Variants in CDK2 observed in about 807,000 individuals in gnomAD.
The protein encoded by CDK2 is cyclin dependent kinase 2.
CDK2 carries 8 observed loss-of-function variants against 35.0 expected under a neutral mutation model. The observed-to-expected ratio is 0.23, with a 90% CI of 0.13 to 0.41. The LOEUF (loss-of-function observed/expected upper bound fraction) is 0.41. Ranked by LOEUF, CDK2 falls within the 10% of genes least tolerant of loss-of-function variation. The pLI, the probability that CDK2 is intolerant of heterozygous loss-of-function variation, is 1.00. For synonymous variants in CDK2, 134 were observed against 137.7 expected, an observed-to-expected ratio of 0.97 and a Z score of 0.19; for missense variants, 201 against 367.1, an observed-to-expected ratio of 0.55 and a Z score of 3.70.
chr12:55,971,010 T>A, intron 5 of CDK2, 34 bp from the exon 6 acceptor site: 2 of 1,584,534 alleles, frequency 1.3e-6, no homozygotes, highest in Non-Finnish European at 1.7e-6. Flanking sequence ...GACGTCAACG[T>A]GGGTCTTGGT....
In CDK2 at chr12:55,971,914, C is replaced by G. The variant is rs1011777385; in HGVS notation, c.*289C>G. On this transcript the variant is annotated 3_prime_UTR_variant, in exon 7 of 7. Transcript: ENST00000266970. The stretch of plus-strand genomic sequence containing the variant: ...TGGTATAAAAATAATTTTAAAAAAG[C>G]CTTCCTACACGTTAGATTTGCCGTA... 2.0e-5 allele frequency: 7 copies of G among 347,310 alleles called. No homozygotes were observed. Among genetic ancestry groups the G allele is most frequent in the African/African-American group, 4.3e-5 (2 of 46,812 alleles). 21.5% of individuals were successfully genotyped at this position (347,310 alleles called of 1,614,324 possible). A position where few individuals can be genotyped will look rare whatever the true frequency, so the allele number is the denominator to read the frequency against.
intron 3 of CDK2, 148 bp from the exon 4 acceptor site, chr12:55,968,630 G>A: frequency 1.7e-6 from 1 of 602,336 alleles, no homozygotes; most frequent in South Asian, 2.7e-5. Context: ...ATCCTCTCTG[G>A]GCTGACAGTC....
rs1247378484 is a variant in CDK2 at position 55,970,709 on chromosome 12, TG to T, written c.589-330del. On this transcript the variant is annotated intron_variant, in intron 5 of 6. Coordinates refer to ENST00000266970, the MANE Select transcript of CDK2 (RefSeq NM_001798.5). ...TCTAGAAGTGGCTGCATCACAAGGTTGGGGGATGACCGCAGTGTCTACCCCC... is the reference window on the plus strand; with the variant it reads ...TCTAGAAGTGGCTGCATCACAAGGTTGGGGATGACCGCAGTGTCTACCCCC... The T allele has an allele frequency of 4.3e-6, 3 of 702,178 alleles. No homozygotes were observed. The Admixed American group carries it at 6.0e-5, about 14-fold the overall frequency. The allele number at this position is 702,178 out of a possible 1,614,324, so 43.5% of individuals were successfully genotyped here. A position where few individuals can be genotyped will look rare whatever the true frequency, so the allele number is the denominator to read the frequency against.
intron 1 of CDK2, 91 bp downstream of exon 1, chr12:55,967,215 G>A: frequency 2.2e-6 from 2 of 917,618 alleles, no homozygotes; most frequent in East Asian, 2.6e-5. Context: ...TCCAGGGACC[G>A]GAAGAGAGCA....
intron 3 of CDK2, 89 bp downstream of exon 3, chr12:55,968,258 C>T: frequency 1.4e-6 from 2 of 1,472,562 alleles, no homozygotes; most frequent in South Asian, 2.4e-5. Flanking sequence ...TGATTTTGGC[C>T]TCCTTCTGAG....
rs1439814067 is a variant in CDK2, at chr12:55,968,168, A to T, written c.314A>T (p.Lys105Met). 2 of 1,613,830 alleles carry T rather than the reference A, an allele frequency of 1.2e-6. No homozygotes were observed. The highest frequency in any genetic ancestry group is 8.5e-7 in the Non-Finnish European group (1 of 1,179,936). ...ACTGGCATTCCTCTTCCCCTCATCA[A>T]GGTAATGCTTCTCATCAGCTCCTCT... Reference protein sequence around the residue: ...ALTGIPLPLIKSYLFQLLQGL... With the variant: ...ALTGIPLPLIMSYLFQLLQGL... The change falls in exon 3 of 7, where the codon AAG (lysine) becomes ATG (methionine). Residue 105 changes from lysine to methionine, a missense_variant and splice_region_variant. By Grantham distance (95) the Lys-to-Met change is moderately conservative (BLOSUM62 -1). This residue lies in a region of CDK2 where 47 missense variants were observed against 59.5 expected (regional missense o/e 0.79). Coordinates refer to ENST00000266970, the MANE Select transcript of CDK2 (RefSeq NM_001798.5).
chr12:55,968,894 A>C lies in CDK2; in HGVS notation c.432A>C (p.Ala144=). 1 of 1,610,950 alleles carries C rather than the reference A, an allele frequency of 6.2e-7. No homozygotes were observed. Among genetic ancestry groups the C allele is most frequent in the East Asian group, 2.2e-5 (1 of 44,642 alleles). ...LINTEGAIKL[A]DFGLARAFGV... ...ACACAGAGGGGGCCATCAAGCTAGC[A>C]GACTTTGGACTAGCCAGAGCTTTTG... The change falls in exon 4 of 7, where the codon GCA becomes GCC. Residue 144 remains alanine, a synonymous_variant. Transcript: ENST00000266970.
Position 55,968,151 on chromosome 12 carries a change from T to C in CDK2, c.297T>C (p.Ile99=), listed in dbSNP as rs1889383061. ...KFMDASALTG[I]PLPLIKSYLF... ...TGGATGCCTCTGCTCTCACTGGCAT[T>C]CCTCTTCCCCTCATCAAGGTAATGC... Residue 99 remains isoleucine (I), a synonymous_variant, in exon 3 of 7, where the codon ATT becomes ATC. Coordinates refer to ENST00000266970, the MANE Select transcript of CDK2 (RefSeq NM_001798.5). The C allele has an allele frequency of 5.6e-6, 9 of 1,614,126 alleles. No homozygotes were observed. The highest frequency in any genetic ancestry group is 7.6e-6 in the Non-Finnish European group (9 of 1,180,006).
chr12:55,969,758 T>C (rs1889426860), intron 5 of CDK2, 182 bp downstream of exon 5: 3 of 430,378 alleles, frequency 7.0e-6, no homozygotes, highest in Non-Finnish European at 1.2e-5. Flanking sequence ...ACCACAGTGT[T>C]AGGATATCCT....
rs1889462712 is a variant in CDK2, at chr12:55,971,147, C to T, written c.692C>T (p.Thr231Ile). ...TPDEVVWPGV[T>I]SMPDYKPSFP... Reference sequence around the variant, plus strand: ...GATGAGGTGGTGTGGCCAGGAGTTACTTCTATGCCTGATTACAAGCCAAGT... The same window carrying T: ...GATGAGGTGGTGTGGCCAGGAGTTATTTCTATGCCTGATTACAAGCCAAGT... Residue 231 changes from threonine to isoleucine, a missense_variant, in exon 6 of 7, where the codon ACT becomes ATT. By Grantham distance (89) the Thr-to-Ile change is moderately conservative (BLOSUM62 -1). Transcript: ENST00000266970. The T allele has an allele frequency of 6.2e-7, 1 of 1,614,010 alleles. No homozygotes were observed. Among genetic ancestry groups the T allele is most frequent in the Admixed American group, 1.7e-5 (1 of 60,000 alleles).
rs1235079155 is a variant in CDK2 at position 55,967,671 on chromosome 12, G to T, written c.117-186G>T. On this transcript the variant is annotated intron_variant, in intron 1 of 6. Transcript: ENST00000266970. ...ACCCCTGGGAAAAGAGGAGATAATG[G>T]CCTTAATATATCCAAAAACCACACC... The T allele has an allele frequency of 5.8e-5, 35 of 600,612 alleles. No homozygotes were observed. The East Asian group carries it at 9.4e-4, about 16-fold the overall frequency. The allele number at this position is 600,612 out of a possible 1,614,324, so 37.2% of individuals were successfully genotyped here. A position where few individuals can be genotyped will look rare whatever the true frequency, so the allele number is the denominator to read the frequency against.
intron 5 of CDK2, among the ~76,000 whole-genome samples, chr12:55,970,288 CAAAAAAAAAAAAAAAAAAA>C (rs60371110): frequency 4.6e-5 from 1 of 21,842 alleles, no homozygotes; most frequent in Non-Finnish European, 1.5e-4. Context: ...GATTCCATCT[CAAAAAAAAAAAAAAAAAAA>C]AAAAAAAAAA....
At chr12:55,968,751 C>A in intron 3 of CDK2, 27 bp from the exon 4 acceptor site, 1 of 1,556,360 alleles carries the variant, frequency 6.4e-7, no homozygotes. Context: ...AATGGAGAAA[C>A]ACAGTCCTCT....
chr12:55,971,272 T>G, intron 6 of CDK2, 25 bp downstream of exon 6: 1 of 1,602,194 alleles, frequency 6.2e-7, no homozygotes, highest in Non-Finnish European at 8.6e-7. Flanking sequence ...CTGTTTTCCC[T>G]CATTCATTTC....
At chr12:55,968,206 G>A in intron 3 of CDK2, 37 bp downstream of exon 3, 1 of 1,608,962 alleles carries the variant, frequency 6.2e-7, no homozygotes, top group South Asian at 1.1e-5. Flanking sequence ...TCATGGGCAT[G>A]TCTTGGGGGA....
At chr12:55,968,298 T>C in intron 3 of CDK2, 129 bp downstream of exon 3, 1 of 884,982 alleles carries the variant, frequency 1.1e-6, no homozygotes, top group South Asian at 1.7e-5. Context: ...CACACTCCCC[T>C]TCTTTTTGTG....
intron 3 of CDK2, 113 bp downstream of exon 3, chr12:55,968,282 T>A: frequency 3.0e-6 from 3 of 993,674 alleles, no homozygotes; most frequent in Non-Finnish European, 4.6e-6. Flanking sequence ...TCATCTCCTA[T>A]ACACACACAC....
Position 55,971,807 on chromosome 12 carries a change from G to T in CDK2, c.*182G>T. On this transcript the variant is annotated 3_prime_UTR_variant, in exon 7 of 7. Transcript: ENST00000266970. ...GTGAAAGGGGGGAACCAGTGAAAAT[G>T]AAAGGAAGTTTCAGTATTAGATGCA... The T allele has an allele frequency of 1.8e-6, 1 of 569,478 alleles. No homozygotes were observed. The highest frequency in any genetic ancestry group is 3.1e-6 in the Non-Finnish European group (1 of 320,602). The allele number at this position is 569,478 out of a possible 1,614,324, so 35.3% of individuals were successfully genotyped here.
chr12:55,971,390 G>A, intron 6 of CDK2, 131 bp from the exon 7 acceptor site: 1 of 1,082,994 alleles, frequency 9.2e-7, no homozygotes. Context: ...CACTGATTCA[G>A]CTATGGGAGG....
Sources: gnomAD v4.1 joint callset for allele counts (sites outside exome capture counted in the v4.1 genomes callset) on GRCh38, gnomAD v4.1.1 for gene constraint, gnomAD v4.1.1 regional missense constraint, MANE v1.5 for transcripts, NCBI Gene and HGNC (gene_info 2026-07-23, HGNC 2026-07-21) for gene names.